MCOLN3: variants seen among roughly 807,000 people sequenced by gnomAD.
The protein encoded by MCOLN3 is mucolipin-3.
A neutral mutation model predicts 69.4 loss-of-function variants in MCOLN3; 62 were observed. The ratio of observed to expected loss-of-function variants is 0.89; its 90% CI spans 0.73 to 1.10. The LOEUF (loss-of-function observed/expected upper bound fraction) is 1.10. Among genes scored for constraint, MCOLN3 ranks in the 50% least tolerant of loss-of-function variants. MCOLN3 has a pLI of 0.00. For synonymous variants in MCOLN3, 183 were observed against 217.0 expected (o/e 0.84, Z 1.38); for missense variants, 564 against 656.4 (o/e 0.86, Z 1.54).
At chr1:85,024,335 C>T (rs1320894946) in intron 9 of MCOLN3, among the ~76,000 whole-genome samples, 1 of 152,134 alleles carries the variant, frequency 6.6e-6, no homozygotes, top group Non-Finnish European at 1.5e-5. Flanking sequence ...ACCTGGTAGA[C>T]AGAAGGAAAC....
intron 2 of MCOLN3, among the ~76,000 whole-genome samples, chr1:85,043,459 G>A (rs1013522992): frequency 6.6e-6 from 1 of 151,990 alleles, no homozygotes; most frequent in South Asian, 2.1e-4. Context: ...GAACCCGGGA[G>A]GCGGAGGTTG....
chr1:85,018,092 A>G lies in MCOLN3; in HGVS notation c.*1031T>C, dbSNP rs2102910748. 6.6e-6 allele frequency: 1 copy of G among 152,332 alleles called. No individual in the cohort carries two copies. Among genetic ancestry groups the G allele is most frequent in the Middle Eastern group, 3.4e-3 (1 of 294 alleles). 9.4% of individuals were successfully genotyped at this position (152,332 alleles called of 1,614,324 possible). A position where few individuals can be genotyped will look rare whatever the true frequency, so the allele number is the denominator to read the frequency against. On this transcript the variant is annotated 3_prime_UTR_variant, in exon 13 of 13. Transcript: ENST00000370589. ...TTACTTCATCAAAAATGCATTTGGTATATGCTTTAATTTCATGCATGTATA... is the reference window on the plus strand; with the variant it reads ...TTACTTCATCAAAAATGCATTTGGTGTATGCTTTAATTTCATGCATGTATA...
rs755186272 is a variant in MCOLN3 at position 85,025,922 on chromosome 1, A to G, written c.1095+17T>C. 6.3e-7 allele frequency: 1 copy of G among 1,583,568 alleles called. No homozygotes were observed. Among genetic ancestry groups the G allele is most frequent in the Non-Finnish European group, 8.6e-7 (1 of 1,164,868 alleles). The stretch of plus-strand genomic sequence containing the variant: ...CAAATCTGACACTAACAATAGCATG[A>G]TTAGGAAAAAAATTACCTTAGCTTG... On this transcript the variant is annotated intron_variant, in intron 9 of 12. Coordinates refer to ENST00000370589, the MANE Select transcript of MCOLN3 (RefSeq NM_018298.11).
At position 85,032,746 on chromosome 1, in the gene MCOLN3, G is replaced by A; in HGVS notation, c.682C>T (p.Gln228Ter). 1 of 1,614,070 alleles carries A rather than the reference G, an allele frequency of 6.2e-7. No homozygotes were observed. The highest frequency in any genetic ancestry group is 8.5e-7 in the Non-Finnish European group (1 of 1,179,900). Reference protein sequence around the residue: ...LQFKLKAINLQTVRHQELPDC... With the variant: ...LQFKLKAINL Reference sequence around the variant, plus strand: ...GGGAGTTCTTGATGACGAACTGTCTGCAGATTAATGGCTTTCAGTTTAAAC... The same window carrying A: ...GGGAGTTCTTGATGACGAACTGTCTACAGATTAATGGCTTTCAGTTTAAAC... Residue 228 changes from glutamine to a stop codon, truncating the protein, a stop_gained, in exon 6 of 13, where the codon CAG becomes TAG. Transcript: ENST00000370589. LOFTEE classifies it high-confidence loss of function.
chr1:85,032,662 G>T (rs1480377019), intron 6 of MCOLN3, 34 bp downstream of exon 6: 2 of 1,525,926 alleles, frequency 1.3e-6, no homozygotes, highest in South Asian at 2.2e-5. Flanking sequence ...TTTTTCTCCA[G>T]ACTGGAACCA....
In MCOLN3 at chr1:85,029,096, C is replaced by T. The variant is rs758047932; in HGVS notation, c.832+10G>A. 2 of 1,492,146 alleles carry T rather than the reference C, an allele frequency of 1.3e-6. No homozygotes were observed. Among genetic ancestry groups the T allele is most frequent in the African/African-American group, 1.4e-5 (1 of 72,436 alleles). 92.4% of individuals were successfully genotyped at this position (1,492,146 alleles called of 1,614,324 possible). A position where few individuals can be genotyped will look rare whatever the true frequency, so the allele number is the denominator to read the frequency against. ...AACCATTCTGAAAACTAGTAATGCG[C>T]ATCACTTACTTGATCCAGATACATG... On this transcript the variant is annotated intron_variant, in intron 7 of 12. Transcript: ENST00000370589.
At chr1:85,025,697 A>G (rs778790741) in intron 9 of MCOLN3, 3 of 459,274 alleles carry the variant, frequency 6.5e-6, no homozygotes, top group Non-Finnish European at 1.2e-5. Context: ...TAGGTCTAAC[A>G]TGGTACACTT....
chr1:85,038,152 G>A (rs1008180482), intron 3 of MCOLN3, among the ~76,000 whole-genome samples: 8 of 152,180 alleles, frequency 5.3e-5, no homozygotes, highest in Non-Finnish European at 8.8e-5. Context: ...AGCCTAGGGA[G>A]TGGGTGGGAG....
intron 3 of MCOLN3, among the ~76,000 whole-genome samples, chr1:85,037,802 C>T (rs189056052): frequency 3.4e-4 from 52 of 152,284 alleles, no homozygotes; most frequent in Non-Finnish European, 3.5e-4. Flanking sequence ...AATGGTGAGA[C>T]GGCACAGAGC....
At chr1:85,045,476 A>G in intron 1 of MCOLN3, 114 bp from the exon 2 acceptor site, 1 of 770,840 alleles carries the variant, frequency 1.3e-6, no homozygotes, top group South Asian at 2.0e-5. Context: ...TCCTGGTTTC[A>G]AATAAGCACC....
In MCOLN3 at chr1:85,018,309, A is replaced by C. The variant is rs993348324; in HGVS notation, c.*814T>G. 5 of 152,194 alleles carry C rather than the reference A, an allele frequency of 3.3e-5. No homozygotes were observed. The highest frequency in any genetic ancestry group is 5.9e-5 in the Non-Finnish European group (4 of 68,038). The allele number at this position is 152,194 out of a possible 1,614,324, so 9.4% of individuals were successfully genotyped here. A position where few individuals can be genotyped will look rare whatever the true frequency, so the allele number is the denominator to read the frequency against. ...GTACCGCATATACAATGGTGGTCCC[A>C]GAAGATTATAAAACCATATTTTTAC... On this transcript the variant is annotated 3_prime_UTR_variant, in exon 13 of 13. Coordinates refer to ENST00000370589, the MANE Select transcript of MCOLN3 (RefSeq NM_018298.11).
In MCOLN3 at chr1:85,026,226, C is replaced by G. The variant is rs368472972; in HGVS notation, c.891G>C (p.Leu297Phe). ...IFDAFVILTC[L>F]VSLILCIRSV... ...ATCTAATGCAGAGGATTAATGAAACCAAGCAAGTCAGAATGACAAAGGCAT... is the reference window on the plus strand; with the variant it reads ...ATCTAATGCAGAGGATTAATGAAACGAAGCAAGTCAGAATGACAAAGGCAT... The change falls in exon 8 of 13, where the codon TTG (leucine) becomes TTC (phenylalanine). Residue 297 changes from leucine (L) to phenylalanine (F), a missense_variant. Leu to Phe is a conservative substitution (Grantham distance 22). Coordinates refer to ENST00000370589, the MANE Select transcript of MCOLN3 (RefSeq NM_018298.11). The G allele has an allele frequency of 3.7e-6, 6 of 1,614,076 alleles. No individual in the cohort carries two copies. Among genetic ancestry groups the G allele is most frequent in the Non-Finnish European group, 5.1e-6 (6 of 1,180,008 alleles).
intron 2 of MCOLN3, among the ~76,000 whole-genome samples, chr1:85,044,377 GAGTA>G (rs1436570379): frequency 6.6e-6 from 1 of 152,112 alleles, no homozygotes; most frequent in Admixed American, 6.5e-5. Context: ...AACTTAGGAA[GAGTA>G]AGTAATAATA....
At chr1:85,040,610 T>C (rs867440040) in intron 3 of MCOLN3, among the ~76,000 whole-genome samples, 1 of 152,134 alleles carries the variant, frequency 6.6e-6, no homozygotes, top group African/African-American at 2.4e-5. Flanking sequence ...TAGGTCTTGG[T>C]TGCTGTACAA....
At position 85,041,311 on chromosome 1, in the gene MCOLN3, G is replaced by A. The variant is rs372651417; in HGVS notation, c.229-134C>T. On this transcript the variant is annotated intron_variant, in intron 2 of 12. Transcript: ENST00000370589. ...TCTGGGACATCAAGAAGGTTTTGCAGCAGGTGGATAATAAATTAAGAAAGT... is the reference window on the plus strand; with the variant it reads ...TCTGGGACATCAAGAAGGTTTTGCAACAGGTGGATAATAAATTAAGAAAGT... 3.5e-5 allele frequency: 24 copies of A among 688,798 alleles called. No homozygotes were observed. In the African/African-American group the frequency reaches 4.2e-4, roughly 12 times the overall value. The allele number at this position is 688,798 out of a possible 1,614,324, so 42.7% of individuals were successfully genotyped here.
At chr1:85,023,423 A>C (rs1032275267) in intron 9 of MCOLN3, 1 of 152,224 alleles carries the variant, frequency 6.6e-6, no homozygotes, top group Non-Finnish European at 1.5e-5. Flanking sequence ...GATGTGGGAA[A>C]GAAGAGATTA....
chr1:85,027,582 C>T (rs1175719364), intron 7 of MCOLN3, among the ~76,000 whole-genome samples: 1 of 152,200 alleles, frequency 6.6e-6, no homozygotes, highest in Non-Finnish European at 1.5e-5. Flanking sequence ...TCCAGACCCA[C>T]TGAATCAGAA....
chr1:85,044,430 T>C (rs1653235930), intron 2 of MCOLN3, among the ~76,000 whole-genome samples: 1 of 152,248 alleles, frequency 6.6e-6, no homozygotes, highest in Non-Finnish European at 1.5e-5. Flanking sequence ...CACTAAAATC[T>C]GCTTCTATTT....
chr1:85,033,696 CATA>C (rs1652652819), intron 4 of MCOLN3, among the ~76,000 whole-genome samples: 1 of 152,052 alleles, frequency 6.6e-6, no homozygotes, highest in African/African-American at 2.4e-5. Context: ...AGTTTGCAAG[CATA>C]ATGTTTTACA....
Sources: allele counts gnomAD v4.1 joint callset (sites outside exome capture counted in the v4.1 genomes callset), GRCh38; gene constraint gnomAD v4.1.1; transcripts MANE v1.5; gene names NCBI Gene and HGNC (gene_info 2026-07-23, HGNC 2026-07-21).